The following TCF4 variants were observed in gnomAD, a reference collection of about 807,000 sequenced individuals.
TCF4 encodes SL3-3 enhancer factor 2.
A neutral mutation model predicts 82.1 loss-of-function variants in TCF4; 3 were observed. That is an observed-to-expected ratio of 0.04 (90% CI 0.02 to 0.09). The LOEUF (loss-of-function observed/expected upper bound fraction) is 0.09, where lower values mean the gene tolerates loss of function less well. Among genes scored for constraint, TCF4 ranks in the 10% least tolerant of loss-of-function variants. TCF4 has a pLI of 1.00. For synonymous variants in TCF4, 276 were observed against 309.6 expected (o/e 0.89, Z 1.14); for missense variants, 518 against 852.7 (o/e 0.61, Z 4.89).
At chr18:55,538,032 A>G (rs866872883) in intron 3 of TCF4, among the ~76,000 whole-genome samples, 2,361 of 146,434 alleles carry the variant, frequency 0.016, 26 homozygotes, top group Middle Eastern at 0.033. Flanking sequence ...GCGCGCACAC[A>G]CACACACACA....
At chr18:55,467,108 A>G (rs779189290) in intron 3 of TCF4, among the ~76,000 whole-genome samples, 11 of 152,180 alleles carry the variant, frequency 7.2e-5, no homozygotes, top group Admixed American at 1.3e-4. Context: ...TAGAATAATC[A>G]TATGAATTCT....
chr18:55,229,358 G>T (rs932562084), intron 17 of TCF4: 1 of 479,100 alleles, frequency 2.1e-6, no homozygotes, highest in Non-Finnish European at 3.8e-6. Flanking sequence ...ACTGATACAG[G>T]GGGGCAGAAA....
At chr18:55,581,531 CACTT>C (rs1436755642) in intron 3 of TCF4, among the ~76,000 whole-genome samples, 1 of 152,034 alleles carries the variant, frequency 6.6e-6, no homozygotes, top group Non-Finnish European at 1.5e-5. Context: ...TGTTTTCACT[CACTT>C]ATACACACAC....
intron 8 of TCF4, among the ~76,000 whole-genome samples, chr18:55,311,590 T>C (rs1250486749): frequency 1.3e-5 from 2 of 152,244 alleles, no homozygotes; most frequent in Non-Finnish European, 2.9e-5. Context: ...GAGTATCTTC[T>C]TTCAACTAAA....
At chr18:55,589,493 T>A, upstream of TCF4, 1 of 1,050,430 alleles carries the variant, frequency 9.5e-7, no homozygotes, top group Non-Finnish European at 1.1e-6. Context: ...TTTTCCACCA[T>A]AAAACTGCAA....
At chr18:55,523,814 T>A (rs1466426220) in intron 3 of TCF4, among the ~76,000 whole-genome samples, 5 of 152,204 alleles carry the variant, frequency 3.3e-5, no homozygotes, top group Middle Eastern at 3.4e-3. Context: ...ACAATTTTTT[T>A]AAAAAAATAG....
intron 2 of TCF4, among the ~76,000 whole-genome samples, chr18:55,625,791 A>G (rs544924746): frequency 6.6e-6 from 1 of 152,210 alleles, no homozygotes; most frequent in Non-Finnish European, 1.5e-5. Flanking sequence ...TTTTTAAAAA[A>G]TAGAAGAAAG....
chr18:55,557,886 G>A (rs767691370), intron 3 of TCF4, among the ~76,000 whole-genome samples: 1 of 152,080 alleles, frequency 6.6e-6, no homozygotes, highest in Non-Finnish European at 1.5e-5. Flanking sequence ...GACATGTCCA[G>A]ACTGAAGTAA....
At chr18:55,569,215 A>G (rs1464022436) in intron 3 of TCF4, among the ~76,000 whole-genome samples, 89 of 148,892 alleles carry the variant, frequency 6.0e-4, no homozygotes, top group African/African-American at 2.2e-3. Flanking sequence ...GTAAAGACAA[A>G]AAAAAAAAAA....
chr18:55,577,271 T>C (rs1348585015), intron 3 of TCF4, among the ~76,000 whole-genome samples: 1 of 147,596 alleles, frequency 6.8e-6, no homozygotes, highest in African/African-American at 2.5e-5. Context: ...CATATATGTG[T>C]ATATATACAT....
At chr18:55,418,190 C>T (rs1303667280) in intron 5 of TCF4, among the ~76,000 whole-genome samples, 1 of 152,040 alleles carries the variant, frequency 6.6e-6, no homozygotes, top group Non-Finnish European at 1.5e-5. Context: ...ATTCATTTCC[C>T]TAAACTATTT....
intron 6 of TCF4, among the ~76,000 whole-genome samples, chr18:55,402,796 T>C (rs1372740835): frequency 6.6e-6 from 1 of 152,210 alleles, no homozygotes; most frequent in East Asian, 1.9e-4. Context: ...AAATGCAAAG[T>C]GCCCAGAGAC....
intron 6 of TCF4, among the ~76,000 whole-genome samples, chr18:55,372,422 G>T (rs2089509168): frequency 6.6e-6 from 1 of 151,850 alleles, no homozygotes; most frequent in Admixed American, 6.6e-5. Context: ...CAATAATCGG[G>T]TGATTAATTG....
At chr18:55,391,606 C>T (rs1376403694) in intron 6 of TCF4, among the ~76,000 whole-genome samples, 1 of 151,986 alleles carries the variant, frequency 6.6e-6, no homozygotes, top group Non-Finnish European at 1.5e-5. Flanking sequence ...CAAACGACCA[C>T]TCACTGACTT....
intron 11 of TCF4, chr18:55,265,412 C>T (rs2058923586): frequency 6.6e-6 from 1 of 152,116 alleles, no homozygotes; most frequent in African/African-American, 2.4e-5. Flanking sequence ...TTTTAAAATA[C>T]AAACGCAAGT....
intron 5 of TCF4, among the ~76,000 whole-genome samples, chr18:55,434,920 C>G (rs2095297450): frequency 6.6e-6 from 1 of 151,954 alleles, no homozygotes; most frequent in Non-Finnish European, 1.5e-5. Context: ...AAGCATTTAT[C>G]CTTTATGTTA....
intron 3 of TCF4, among the ~76,000 whole-genome samples, chr18:55,571,194 CATAA>C (rs1404737962): frequency 6.6e-6 from 1 of 152,232 alleles, no homozygotes; most frequent in Non-Finnish European, 1.5e-5. Flanking sequence ...CTGGAACATG[CATAA>C]ATAAACTACA....
intron 2 of TCF4, among the ~76,000 whole-genome samples, chr18:55,631,119 G>A (rs1262665982): frequency 2.0e-5 from 3 of 149,332 alleles, no homozygotes; most frequent in Non-Finnish European, 3.0e-5. Context: ...GCATGATCTC[G>A]ACTCACTGCA....
At chr18:55,256,741 T>G (rs558514627) in intron 14 of TCF4, among the ~76,000 whole-genome samples, 1 of 152,278 alleles carries the variant, frequency 6.6e-6, no homozygotes, top group African/African-American at 2.4e-5. Flanking sequence ...TGCATATTTC[T>G]GGCCCCCACC....
Sources: gnomAD v4.1 joint callset for allele counts (sites outside exome capture counted in the v4.1 genomes callset) on GRCh38, gnomAD v4.1.1 for gene constraint, MANE v1.5 for transcripts, NCBI Gene and HGNC (gene_info 2026-07-23, HGNC 2026-07-21) for gene names.